PTPN23: variants seen among roughly 807,000 people sequenced by gnomAD.
PTPN23 encodes the protein tyrosine-protein phosphatase non-receptor type 23.
PTPN23 carries 72 observed loss-of-function variants against 156.3 expected under a neutral mutation model. The observed-to-expected ratio is 0.46, with a 90% CI of 0.38 to 0.56. PTPN23 has a LOEUF of 0.56. PTPN23 is among the 20% of genes least tolerant of loss of function. The probability of loss-of-function intolerance (pLI) is 0.00; values close to 1 mark genes in which losing one functional copy is unlikely to be tolerated. For missense variants in PTPN23, 1,974 were observed against 2,171.5 expected (o/e 0.91, Z 1.81); for synonymous variants, 957 against 899.6 (o/e 1.06, Z -1.14).
At position 47,396,169 on chromosome 3, in the gene PTPN23, C is replaced by T. The variant is rs1704875523; in HGVS notation, c.111C>T (p.Asn37=). The T allele has an allele frequency of 1.2e-6, 2 of 1,613,156 alleles. No homozygotes were observed. The highest frequency in any genetic ancestry group is 1.7e-6 in the Non-Finnish European group (2 of 1,179,346). Residue 37 remains asparagine (N), a synonymous_variant, in exon 2 of 25, where the codon AAC becomes AAT. Coordinates refer to ENST00000265562, the MANE Select transcript of PTPN23 (RefSeq NM_015466.4). ...KKFVLKNYGE[N]PEAYNEELKK... ...TTGTCCTGAAGAATTATGGAGAGAACCCAGAAGCCTACAATGAAGAACTGA... is the reference window on the plus strand; with the variant it reads ...TTGTCCTGAAGAATTATGGAGAGAATCCAGAAGCCTACAATGAAGAACTGA...
At position 47,404,643 on chromosome 3, in the gene PTPN23, GC is replaced by G; in HGVS notation, c.160-3del. 9.3e-6 allele frequency: 15 copies of G among 1,613,018 alleles called. No individual in the cohort carries two copies. In the African/African-American group the frequency reaches 1.3e-4, roughly 14 times the overall value. ...ACAACAGGCCTGCTTCTCCCATCCTGCCCCCCAGAATGCTGTCCGTGTCCCA... is the reference window on the plus strand; with the variant it reads ...ACAACAGGCCTGCTTCTCCCATCCTGCCCCCAGAATGCTGTCCGTGTCCCA... On this transcript the variant is annotated splice_polypyrimidine_tract_variant and splice_region_variant and intron_variant, in intron 2 of 24. Transcript: ENST00000265562.
chr3:47,393,372 C>T (rs1461045697), intron 1 of PTPN23, among the ~76,000 whole-genome samples: 1 of 151,734 alleles, frequency 6.6e-6, no homozygotes, highest in Non-Finnish European at 1.5e-5. Flanking sequence ...AGGCTGGTCT[C>T]GAACTCCTGA....
At chr3:47,394,417 T>G (rs536183471) in intron 1 of PTPN23, among the ~76,000 whole-genome samples, 24 of 152,324 alleles carry the variant, frequency 1.6e-4, no homozygotes, top group Admixed American at 1.4e-3. Context: ...TAGATAGGCA[T>G]TGATACCTGA....
intron 1 of PTPN23, among the ~76,000 whole-genome samples, chr3:47,395,175 A>G (rs1389610784): frequency 6.6e-6 from 1 of 152,208 alleles, no homozygotes; most frequent in South Asian, 2.1e-4. Context: ...GGACCTCAGG[A>G]AAGATGGGTG....
chr3:47,395,494 C>T (rs1704859495), intron 1 of PTPN23, among the ~76,000 whole-genome samples: 1 of 152,200 alleles, frequency 6.6e-6, no homozygotes, highest in East Asian at 1.9e-4. Context: ...GCTCACTGTC[C>T]AAGACAGTCT....
chr3:47,411,962 T>A lies in PTPN23; in HGVS notation c.4068T>A (p.Pro1356=), dbSNP rs775372912. 6.2e-7 allele frequency: 1 copy of A among 1,610,874 alleles called. No individual in the cohort carries two copies. Among genetic ancestry groups the A allele is most frequent in the South Asian group, 1.1e-5 (1 of 90,648 alleles). ...SLVHLHFPTW[P]ELGLPDSPSN... is the part of the protein sequence containing the mutation. ...TGCACCTGCACTTCCCCACTTGGCC[T>A]GAGTTGTGAGTCCACTGCTCTGGAT... Residue 1356 remains proline (P), a synonymous_variant, in exon 21 of 25, where the codon CCT becomes CCA. Coordinates refer to ENST00000265562, the MANE Select transcript of PTPN23 (RefSeq NM_015466.4). This position sits in a 1 kb window ranked among gnomAD's most constrained non-coding sequence, Gnocchi z 6.3.
At position 47,405,126 on chromosome 3, in the gene PTPN23, C is replaced by A; in HGVS notation, c.364+45C>A. On this transcript the variant is annotated intron_variant, in intron 4 of 24. Coordinates refer to ENST00000265562, the MANE Select transcript of PTPN23 (RefSeq NM_015466.4). The surrounding 1 kb of genome is among the most constrained non-coding windows in gnomAD (Gnocchi z 4.7). ...CCCCCGGCCCTACTCCCCAGTCCTG[C>A]CAGCCTAGCTTTCAGCTCTTCAGAT... 2 of 1,575,474 alleles carry A rather than the reference C, an allele frequency of 1.3e-6. No homozygotes were observed. The highest frequency in any genetic ancestry group is 1.7e-5 in the Admixed American group (1 of 59,932).
rs763104053 is a variant in PTPN23 at position 47,411,141 on chromosome 3, G to A, written c.3343G>A (p.Ala1115Thr). Residue 1115 changes from alanine to threonine, a missense_variant, in exon 20 of 25, where the codon GCA (alanine) becomes ACA (threonine). Coordinates refer to ENST00000265562, the MANE Select transcript of PTPN23 (RefSeq NM_015466.4). The surrounding 1 kb of genome is among the most constrained non-coding windows in gnomAD (Gnocchi z 6.3). Reference protein sequence around the residue: ...EPPPCLRRGAAAADLLSSSPE... With the variant: ...EPPPCLRRGATAADLLSSSPE... ...ACCCCCTTGCCTGCGCCGAGGCGCCGCAGCTGCAGACCTGCTCTCCTCCAG... is the reference window on the plus strand; with the variant it reads ...ACCCCCTTGCCTGCGCCGAGGCGCCACAGCTGCAGACCTGCTCTCCTCCAG... 144 of 1,600,350 alleles carry A rather than the reference G, an allele frequency of 9.0e-5. No homozygotes were observed. The highest frequency in any genetic ancestry group is 1.2e-4 in the Admixed American group (7 of 58,548).
intron 18 of PTPN23, 30 bp downstream of exon 18, chr3:47,409,598 G>A: frequency 6.2e-7 from 1 of 1,612,100 alleles, no homozygotes; most frequent in Non-Finnish European, 8.5e-7. Context: ...CTCTTTCCCG[G>A]AGCCACCTGG....
chr3:47,386,549 A>C (rs1213991591), intron 1 of PTPN23, among the ~76,000 whole-genome samples: 1 of 152,024 alleles, frequency 6.6e-6, no homozygotes, highest in Non-Finnish European at 1.5e-5. Context: ...GGCTTATGGA[A>C]TTTTTTCCCC....
rs1435347247 is a variant in PTPN23 at position 47,405,792 on chromosome 3, T to C, written c.408T>C (p.Ser136=). ...SMLGAMDKRV[S]EEGMKVSCTH... ...TGGGGGCCATGGACAAGCGGGTGTCTGAGGAGGTGAGGAGAGGGGCAGTAG... is the reference window on the plus strand; with the variant it reads ...TGGGGGCCATGGACAAGCGGGTGTCCGAGGAGGTGAGGAGAGGGGCAGTAG... Residue 136 remains serine, a synonymous_variant, in exon 5 of 25, where the codon TCT becomes TCC. Coordinates refer to ENST00000265562, the MANE Select transcript of PTPN23 (RefSeq NM_015466.4). This position sits in a 1 kb window ranked among gnomAD's most constrained non-coding sequence, Gnocchi z 4.7. 1.3e-6 allele frequency: 2 copies of C among 1,589,226 alleles called. No individual in the cohort carries two copies. Among genetic ancestry groups the C allele is most frequent in the African/African-American group, 1.3e-5 (1 of 74,228 alleles).
At chr3:47,404,045 AC>A (rs2107712153) in intron 2 of PTPN23, among the ~76,000 whole-genome samples, 1 of 152,308 alleles carries the variant, frequency 6.6e-6, no homozygotes, top group African/African-American at 2.4e-5. Flanking sequence ...AGCCTGGGCA[AC>A]ATGGCAAAAC....
At chr3:47,395,730 G>T (rs1040835924) in intron 1 of PTPN23, among the ~76,000 whole-genome samples, 16 of 152,170 alleles carry the variant, frequency 1.1e-4, no homozygotes, top group Admixed American at 4.6e-4. Context: ...ACTCTTGTTT[G>T]GTGCCTCTTG....
Position 47,411,717 on chromosome 3 carries a change from C to T in PTPN23, c.3888+31C>T, listed in dbSNP as rs1345016499. 1.3e-6 allele frequency: 2 copies of T among 1,594,984 alleles called. No homozygotes were observed. Among genetic ancestry groups the T allele is most frequent in the Non-Finnish European group, 1.7e-6 (2 of 1,167,112 alleles). On this transcript the variant is annotated intron_variant, in intron 20 of 24. Transcript: ENST00000265562. The surrounding 1 kb of genome is among the most constrained non-coding windows in gnomAD (Gnocchi z 6.3). ...AAGAGGGGGTGGGTGCCCACGAGGG[C>T]AGTGTGGGGTGGCAGGGCAGGGGAT...
chr3:47,412,161 C>T lies in PTPN23; in HGVS notation c.4141C>T (p.Gln1381Ter). The change falls in exon 22 of 25, where the codon CAG becomes TAG. Residue 1381 changes from glutamine to a stop codon, truncating the protein, a stop_gained. Coordinates refer to ENST00000265562, the MANE Select transcript of PTPN23 (RefSeq NM_015466.4). LOFTEE classifies it high-confidence loss of function. ...GGAGGTGCACGCACATTACCTGCAT[C>T]AGCGGCCGCTGCACACGCCCATCAT... Reference protein sequence around the residue: ...IQEVHAHYLHQRPLHTPIIVH... With the variant: ...IQEVHAHYLH 1 of 1,613,224 alleles carries T rather than the reference C, an allele frequency of 6.2e-7. No homozygotes were observed. Among genetic ancestry groups the T allele is most frequent in the Non-Finnish European group, 8.5e-7 (1 of 1,180,044 alleles).
In PTPN23 at chr3:47,411,529, T is replaced by C. The variant is rs1301208645; in HGVS notation, c.3731T>C (p.Ile1244Thr). 6.2e-7 allele frequency: 1 copy of C among 1,612,800 alleles called. No individual in the cohort carries two copies. Among genetic ancestry groups the C allele is most frequent in the Non-Finnish European group, 8.5e-7 (1 of 1,179,974 alleles). Residue 1244 changes from isoleucine (I) to threonine (T), a missense_variant, in exon 20 of 25, where the codon ATC (isoleucine) becomes ACC (threonine). This residue lies in a region of PTPN23 where 33 missense variants were observed against 56.9 expected (regional missense o/e 0.58). Coordinates refer to ENST00000265562, the MANE Select transcript of PTPN23 (RefSeq NM_015466.4). The surrounding 1 kb of genome is among the most constrained non-coding windows in gnomAD (Gnocchi z 6.3). ...VVLRSGKDDY[I>T]NASCVEGLSP... ...CTGCGCTCAGGCAAGGATGACTACA[T>C]CAATGCCAGCTGCGTGGAGGGGCTC...
In PTPN23 at chr3:47,407,038, A is replaced by G; in HGVS notation, c.808-92A>G. Reference sequence around the variant, plus strand: ...CCGGCTGCCTCCTGAGCTGCTTGTCATCTGATGGACAGGCAGGGCCGGGTG... The same window carrying G: ...CCGGCTGCCTCCTGAGCTGCTTGTCGTCTGATGGACAGGCAGGGCCGGGTG... On this transcript the variant is annotated intron_variant, in intron 9 of 24. Coordinates refer to ENST00000265562, the MANE Select transcript of PTPN23 (RefSeq NM_015466.4). The surrounding 1 kb of genome is among the most constrained non-coding windows in gnomAD (Gnocchi z 4.0). The G allele has an allele frequency of 6.5e-7, 1 of 1,531,310 alleles. No homozygotes were observed. The allele number at this position is 1,531,310 out of a possible 1,614,324, so 94.9% of individuals were successfully genotyped here. A position where few individuals can be genotyped will look rare whatever the true frequency, so the allele number is the denominator to read the frequency against.
At chr3:47,389,766 G>A (rs1427929895) in intron 1 of PTPN23, among the ~76,000 whole-genome samples, 20 of 151,340 alleles carry the variant, frequency 1.3e-4, no homozygotes, top group African/African-American at 4.9e-4. Flanking sequence ...CGTGAACCCG[G>A]GGGGGTGGAG....
At position 47,406,981 on chromosome 3, in the gene PTPN23, C is replaced by CAG. The variant is rs1705141935; in HGVS notation, c.808-149_808-148insAG. ...AGCAGGTGGCTGGGGCAGGGTGTGGCGCCACCTTGCTGCTGTTGGCTGGGG... is the reference window on the plus strand; with the variant it reads ...AGCAGGTGGCTGGGGCAGGGTGTGGCAGGCCACCTTGCTGCTGTTGGCTGGGG... On this transcript the variant is annotated intron_variant, in intron 9 of 24. Transcript: ENST00000265562. This position sits in a 1 kb window ranked among gnomAD's most constrained non-coding sequence, Gnocchi z 5.8. 8.7e-7 allele frequency: 1 copy of CAG among 1,152,568 alleles called. No homozygotes were observed. The highest frequency in any genetic ancestry group is 1.2e-6 in the Non-Finnish European group (1 of 805,376). The allele number at this position is 1,152,568 out of a possible 1,614,324, so 71.4% of individuals were successfully genotyped here. A position where few individuals can be genotyped will look rare whatever the true frequency, so the allele number is the denominator to read the frequency against.
Sources: gnomAD v4.1 joint callset for allele counts (sites outside exome capture counted in the v4.1 genomes callset) on GRCh38, gnomAD v4.1.1 for gene constraint, gnomAD v4.1.1 regional missense constraint, Gnocchi (gnomAD v3.1) non-coding constraint, MANE v1.5 for transcripts, NCBI Gene and HGNC (gene_info 2026-07-23, HGNC 2026-07-21) for gene names.